Variants in MACROD2 observed in about 807,000 individuals in gnomAD.
MACROD2 encodes the protein mono-ADP ribosylhydrolase 2, also known as ADP-ribose glycohydrolase MACROD2.
In MACROD2, 36 loss-of-function variants were observed where a neutral mutation model predicts 70.4. The observed-to-expected ratio is 0.51, with a 90% CI of 0.39 to 0.68. The LOEUF (loss-of-function observed/expected upper bound fraction) is 0.68, where lower values mean the gene tolerates loss of function less well. Among genes scored for constraint, MACROD2 ranks in the 30% least tolerant of loss-of-function variants. The pLI is 0.00. For missense variants in MACROD2, 496 were observed against 538.4 expected (o/e 0.92, Z 0.78); for synonymous variants, 172 against 178.8 (o/e 0.96, Z 0.30).
chr20:14,264,997 T>C (rs1200282510), intron 3 of MACROD2, among the ~76,000 whole-genome samples: 1 of 152,132 alleles, frequency 6.6e-6, no homozygotes, highest in Non-Finnish European at 1.5e-5. Context: ...CTGAAGTCCT[T>C]GTAGGTTTTG....
chr20:14,103,374 G>A (rs551161838), intron 3 of MACROD2, among the ~76,000 whole-genome samples: 1 of 152,216 alleles, frequency 6.6e-6, no homozygotes, highest in South Asian at 2.1e-4. Context: ...GCCACTGCTT[G>A]GGCATTTGTT....
chr20:14,821,828 T>C (rs2072848349), intron 5 of MACROD2, among the ~76,000 whole-genome samples: 1 of 152,070 alleles, frequency 6.6e-6, no homozygotes. Context: ...ACTTCCAAGC[T>C]GGCCCTGGTG....
chr20:14,495,526 C>T (rs957659379), intron 4 of MACROD2, among the ~76,000 whole-genome samples: 11 of 152,078 alleles, frequency 7.2e-5, no homozygotes, highest in Admixed American at 1.3e-4. Flanking sequence ...AAAAAATTAC[C>T]GTTCTGTTCA....
At chr20:15,868,348 A>C (rs1335892663) in intron 9 of MACROD2, among the ~76,000 whole-genome samples, 1 of 152,038 alleles carries the variant, frequency 6.6e-6, no homozygotes, top group Non-Finnish European at 1.5e-5. Flanking sequence ...GACCTTTGTT[A>C]ACCACATACA....
chr20:15,228,771 G>T (rs2076934501), intron 5 of MACROD2, among the ~76,000 whole-genome samples: 1 of 151,868 alleles, frequency 6.6e-6, no homozygotes. Flanking sequence ...TACAGGCGTG[G>T]TCCACTGCAC....
intron 6 of MACROD2, among the ~76,000 whole-genome samples, chr20:15,333,138 C>T (rs572029435): frequency 1.3e-5 from 2 of 151,688 alleles, no homozygotes; most frequent in African/African-American, 4.9e-5. Context: ...GTGCAGTCCT[C>T]AGATCGGCAT....
chr20:14,806,629 G>A (rs1891622246), intron 5 of MACROD2, among the ~76,000 whole-genome samples: 1 of 152,116 alleles, frequency 6.6e-6, no homozygotes, highest in African/African-American at 2.4e-5. Flanking sequence ...AAGCCAGGGA[G>A]CCAAGTGGTC....
intron 8 of MACROD2, among the ~76,000 whole-genome samples, chr20:15,733,161 C>A (rs915692543): frequency 6.6e-6 from 1 of 151,998 alleles, no homozygotes; most frequent in Non-Finnish European, 1.5e-5. Flanking sequence ...TCATAGTATT[C>A]TTTTGTTATC....
chr20:15,203,558 A>G (rs1049319960), intron 5 of MACROD2, among the ~76,000 whole-genome samples: 2 of 152,120 alleles, frequency 1.3e-5, no homozygotes, highest in African/African-American at 2.4e-5. Context: ...ATTTATAAAC[A>G]TGGTACCTTT....
intron 4 of MACROD2, among the ~76,000 whole-genome samples, chr20:14,644,374 A>G (rs1985260834): frequency 1.3e-5 from 2 of 152,208 alleles, no homozygotes; most frequent in South Asian, 2.1e-4. Context: ...CTATAATACT[A>G]TGTAGTGGTT....
intron 5 of MACROD2, among the ~76,000 whole-genome samples, chr20:14,686,715 T>G (rs2071007099): frequency 6.6e-6 from 1 of 152,200 alleles, no homozygotes; most frequent in Non-Finnish European, 1.5e-5. Context: ...GTATACCCTA[T>G]GATTACATAA....
At chr20:14,476,930 G>C (rs1034137429) in intron 3 of MACROD2, among the ~76,000 whole-genome samples, 3 of 152,168 alleles carry the variant, frequency 2.0e-5, no homozygotes, top group Admixed American at 6.5e-5. Context: ...AAAAGGCCAA[G>C]ATGTGGCAGA....
chr20:14,099,217 G>T (rs1230991857), intron 3 of MACROD2, among the ~76,000 whole-genome samples: 1 of 151,980 alleles, frequency 6.6e-6, no homozygotes, highest in Non-Finnish European at 1.5e-5. Context: ...GGCGGAGGTT[G>T]CAGTGAGCCA....
At chr20:15,685,599 C>T (rs1382753975) in intron 8 of MACROD2, among the ~76,000 whole-genome samples, 6 of 152,202 alleles carry the variant, frequency 3.9e-5, no homozygotes, top group African/African-American at 1.4e-4. Flanking sequence ...TCTCATCACA[C>T]CATACTGACC....
chr20:15,943,853 TA>T (rs1384559994), intron 12 of MACROD2, among the ~76,000 whole-genome samples: 1 of 152,118 alleles, frequency 6.6e-6, no homozygotes. Flanking sequence ...TATTGTAAAA[TA>T]TTTTTTAATG....
In MACROD2 at chr20:14,827,632, A is replaced by G. The variant is rs577611713; in HGVS notation, c.418+142673A>G. On this transcript the variant is annotated intron_variant, in intron 5 of 17. Transcript: ENST00000684519. ...GGTTTTGCACCCTGATAGACTTCAC[A>G]GATAATGTAACTAATTAGTAACTGT... Among the ~76,000 whole-genome samples the G allele has an allele frequency of 2.0e-5, 3 of 152,156 alleles. No individual in the cohort carries two copies. The East Asian group carries it at 5.8e-4, about 29-fold the overall frequency.
intron 2 of MACROD2, among the ~76,000 whole-genome samples, chr20:14,039,558 T>G (rs1409473428): frequency 6.6e-6 from 1 of 152,192 alleles, no homozygotes; most frequent in African/African-American, 2.4e-5. Flanking sequence ...AATAGCTTGC[T>G]TCTTCAGTTT....
chr20:14,639,389 T>C (rs1432999326), intron 4 of MACROD2, among the ~76,000 whole-genome samples: 6 of 40,488 alleles, frequency 1.5e-4, no homozygotes, highest in African/African-American at 3.4e-4. Flanking sequence ...TGGTATGTTT[T>C]GAAATGTTAT....
chr20:14,383,307 G>GT (rs3043692), intron 3 of MACROD2, among the ~76,000 whole-genome samples: 7 of 149,648 alleles, frequency 4.7e-5, no homozygotes, highest in Admixed American at 1.3e-4. Flanking sequence ...ACCGTTTTTT[G>GT]TTTTTTTTTT....
Sources: allele counts gnomAD v4.1 joint callset (sites outside exome capture counted in the v4.1 genomes callset), GRCh38; gene constraint gnomAD v4.1.1; transcripts MANE v1.5; gene names NCBI Gene and HGNC (gene_info 2026-07-23, HGNC 2026-07-21).